The following CLDN5 variants were observed in gnomAD, a reference collection of about 807,000 sequenced individuals.
CLDN5 encodes claudin 5.
A neutral mutation model predicts 1.3 loss-of-function variants in CLDN5; 4 were observed. The ratio of observed to expected loss-of-function variants is 3.07; its 90% CI spans 1.51 to 7.03. The LOEUF (loss-of-function observed/expected upper bound fraction) is 7.03, where lower values mean the gene tolerates loss of function less well. Among genes scored for constraint, CLDN5 ranks in the 30% most tolerant of loss-of-function variants. CLDN5 has a pLI of 0.00. For missense variants in CLDN5, 225 were observed against 303.5 expected, an observed-to-expected ratio of 0.74 and a Z score of 1.92; for synonymous variants, 156 against 152.3, an observed-to-expected ratio of 1.02 and a Z score of -0.18.
upstream of CLDN5, chr22:19,524,421 G>T (rs1165132442): frequency 7.6e-6 from 11 of 1,443,850 alleles, no homozygotes; most frequent in African/African-American, 4.4e-5. Flanking sequence ...AGCTCCTGCC[G>T]GGGGGTACCC....
chr22:19,523,854 C>T lies in CLDN5; in HGVS notation c.402G>A (p.Val134=). 6.2e-7 allele frequency: 1 copy of T among 1,610,330 alleles called. No individual in the cohort carries two copies. The highest frequency in any genetic ancestry group is 8.5e-7 in the Non-Finnish European group (1 of 1,179,196). The change falls in exon 1 of 1, where the codon GTG becomes GTA. Residue 134 remains valine, a synonymous_variant. Coordinates refer to ENST00000618236, the MANE Select transcript of CLDN5 (RefSeq NM_001363066.2). ...LYLFCGLLAL[V]PLCWFANIVV... is the part of the protein sequence containing the mutation. Reference sequence around the variant, plus strand: ...CAATGTTGGCGAACCAGCAGAGTGGCACGAGCGCCAGCAGCCCGCAAAACA... The same window carrying T: ...CAATGTTGGCGAACCAGCAGAGTGGTACGAGCGCCAGCAGCCCGCAAAACA...
At chr22:19,524,586 G>A (rs1272408414), upstream of CLDN5, 1 of 1,343,268 alleles carries the variant, frequency 7.4e-7, no homozygotes, top group Non-Finnish European at 9.5e-7. Flanking sequence ...AGCTGAGGGC[G>A]CGGGACCGCT....
upstream of CLDN5, chr22:19,524,587 CG>C (rs894457943): frequency 1.0e-4 from 137 of 1,336,954 alleles, no homozygotes; most frequent in Admixed American, 8.6e-4. Context: ...GCTGAGGGCG[CG>C]GGACCGCTCC....
upstream of CLDN5, chr22:19,524,789 C>T (rs964336469): frequency 8.1e-7 from 1 of 1,231,070 alleles, no homozygotes; most frequent in Non-Finnish European, 1.0e-6. Flanking sequence ...CGGGTGGTCT[C>T]TTCCACTCGA....
upstream of CLDN5, chr22:19,524,791 T>C: frequency 8.1e-7 from 1 of 1,227,960 alleles, no homozygotes; most frequent in South Asian, 4.2e-5. Context: ...GGTGGTCTCT[T>C]CCACTCGAGC....
upstream of CLDN5, chr22:19,524,666 G>T (rs934174650): frequency 2.5e-5 from 33 of 1,318,198 alleles, no homozygotes; most frequent in Non-Finnish European, 3.0e-5. Flanking sequence ...TTCTGGGCTG[G>T]CCTAGGGCGC....
upstream of CLDN5, chr22:19,524,478 C>A: frequency 7.0e-7 from 1 of 1,431,636 alleles, no homozygotes. Flanking sequence ...CCCGGCCCCC[C>A]GGCCCGAAGC....
At chr22:19,525,229 T>A, upstream of CLDN5, 1 of 1,000,532 alleles carries the variant, frequency 1.0e-6, no homozygotes, top group African/African-American at 1.7e-5. Flanking sequence ...CCAGTTCAGG[T>A]GACACCACTT....
In CLDN5 at chr22:19,523,335, G is replaced by A. The variant is rs1025162669; in HGVS notation, c.*264C>T. On this transcript the variant is annotated 3_prime_UTR_variant, in exon 1 of 1. Coordinates refer to ENST00000618236, the MANE Select transcript of CLDN5 (RefSeq NM_001363066.2). ...AAATCCTCAGTCTGACACCCGCTCT[G>A]CCTATGGAAACAGCGCCGCGCACAG... 3 of 496,936 alleles carry A rather than the reference G, an allele frequency of 6.0e-6. No individual in the cohort carries two copies. Among genetic ancestry groups the A allele is most frequent in the Admixed American group, 8.0e-5 (2 of 24,890 alleles). The allele number at this position is 496,936 out of a possible 1,614,324, so 30.8% of individuals were successfully genotyped here.
At chr22:19,524,526 C>G, upstream of CLDN5, 1 of 1,409,068 alleles carries the variant, frequency 7.1e-7, no homozygotes, top group Non-Finnish European at 9.2e-7. Flanking sequence ...CGCAGCCAAT[C>G]ACAGAGCCTC....
rs780302726 is a variant in CLDN5 at position 19,524,079 on chromosome 22, G to A, written c.177C>T (p.Thr59=). 6.2e-7 allele frequency: 1 copy of A among 1,605,670 alleles called. No homozygotes were observed. The highest frequency in any genetic ancestry group is 1.3e-5 in the African/African-American group (1 of 75,020). The change falls in exon 1 of 1, where the codon ACC becomes ACT. Residue 59 remains threonine, a synonymous_variant. Coordinates refer to ENST00000618236, the MANE Select transcript of CLDN5 (RefSeq NM_001363066.2). Reference sequence around the variant, plus strand: ...CGTACACTTTGCACTGCATGTGCCCGGTGCTCTGCACCACGCACGACATCC... The same window carrying A: ...CGTACACTTTGCACTGCATGTGCCCAGTGCTCTGCACCACGCACGACATCC... The part of the protein sequence containing the change: ...GLWMSCVVQS[T]GHMQCKVYDS...
upstream of CLDN5, chr22:19,524,684 G>A (rs1934193521): frequency 7.7e-7 from 1 of 1,299,736 alleles, no homozygotes. Context: ...CGCGCTTCTT[G>A]GGCCGCCTCC....
At chr22:19,524,782 G>C, upstream of CLDN5, 3 of 1,237,214 alleles carry the variant, frequency 2.4e-6, no homozygotes, top group Non-Finnish European at 3.1e-6. Flanking sequence ...ACTGAGCCGG[G>C]TGGTCTCTTC....
chr22:19,524,993 G>A (rs1934199842), upstream of CLDN5: 3 of 1,005,528 alleles, frequency 3.0e-6, no homozygotes, highest in South Asian at 4.7e-5. Context: ...CAAACAGAGA[G>A]GCCAGGCAGG....
upstream of CLDN5, chr22:19,524,420 C>CG (rs1245508454): frequency 1.9e-5 from 28 of 1,446,548 alleles, no homozygotes; most frequent in East Asian, 2.6e-4. Flanking sequence ...CAGCTCCTGC[C>CG]GGGGGGTACC....
At position 19,523,747 on chromosome 22, in the gene CLDN5, G is replaced by A; in HGVS notation, c.509C>T (p.Ala170Val). 1 of 1,603,698 alleles carries A rather than the reference G, an allele frequency of 6.2e-7. No homozygotes were observed. Among genetic ancestry groups the A allele is most frequent in the African/African-American group, 1.3e-5 (1 of 74,884 alleles). ...LGAALYIGWA[A>V]TALLMVGGCL... Reference sequence around the variant, plus strand: ...GCCGCCTACCATGAGCAGCGCGGTGGCCGCCCAGCCGATGTACAGCGCTGC... The same window carrying A: ...GCCGCCTACCATGAGCAGCGCGGTGACCGCCCAGCCGATGTACAGCGCTGC... The change falls in exon 1 of 1, where the codon GCC (alanine) becomes GTC (valine). Residue 170 changes from alanine (A) to valine (V), a missense_variant. By Grantham distance (64) the Ala-to-Val change is moderately conservative. Transcript: ENST00000618236.
chr22:19,525,230 G>A, upstream of CLDN5: 1 of 1,000,522 alleles, frequency 1.0e-6, no homozygotes, highest in Non-Finnish European at 1.2e-6. Flanking sequence ...CAGTTCAGGT[G>A]ACACCACTTC....
rs1934154638 is a variant in CLDN5 at position 19,523,583 on chromosome 22, G to T, written c.*16C>A. On this transcript the variant is annotated 3_prime_UTR_variant, in exon 1 of 1. Transcript: ENST00000618236. Reference sequence around the variant, plus strand: ...AGGCGTGGCTGGCAGGAGGGGCCCGGCCGTGCCCAGCGCCCTCAGACGTAG... The same window carrying T: ...AGGCGTGGCTGGCAGGAGGGGCCCGTCCGTGCCCAGCGCCCTCAGACGTAG... 2 of 1,552,916 alleles carry T rather than the reference G, an allele frequency of 1.3e-6. No individual in the cohort carries two copies. Among genetic ancestry groups the T allele is most frequent in the East Asian group, 2.3e-5 (1 of 44,150 alleles).
chr22:19,523,730 C>A lies in CLDN5; in HGVS notation c.526G>T (p.Val176Leu), dbSNP rs1184849232. Residue 176 changes from valine (V) to leucine (L), a missense_variant, in exon 1 of 1, where the codon GTA (valine) becomes TTA (leucine). Around this residue, in one of 3 missense-constraint regions of CLDN5, gnomAD observed 165 missense variants for 211.9 expected, o/e 0.78. Coordinates refer to ENST00000618236, the MANE Select transcript of CLDN5 (RefSeq NM_001363066.2). ...CCGCAGCACAAGAGGCAGCCGCCTA[C>A]CATGAGCAGCGCGGTGGCCGCCCAG... ...IGWAATALLM[V>L]GGCLLCCGAW... The A allele has an allele frequency of 1.2e-6, 2 of 1,606,306 alleles. No homozygotes were observed. Among genetic ancestry groups the A allele is most frequent in the Non-Finnish European group, 1.7e-6 (2 of 1,177,846 alleles).
Sources: gnomAD v4.1 joint callset for allele counts on GRCh38, gnomAD v4.1.1 for gene constraint, gnomAD v4.1.1 regional missense constraint, MANE v1.5 for transcripts, NCBI Gene and HGNC (gene_info 2026-07-23, HGNC 2026-07-21) for gene names.